The following SUSD1 variants were observed in gnomAD, a reference collection of about 807,000 sequenced individuals.
SUSD1 encodes sushi domain-containing protein 1.
Under a neutral mutation model 86.9 loss-of-function variants are expected in SUSD1, and 65 were observed. The observed-to-expected ratio is 0.75, with a 90% CI of 0.61 to 0.92. The LOEUF (loss-of-function observed/expected upper bound fraction) is 0.92. Among genes scored for constraint, SUSD1 ranks in the 40% least tolerant of loss-of-function variants. The probability of loss-of-function intolerance (pLI) is 0.00; values close to 1 mark genes in which losing one functional copy is unlikely to be tolerated. For missense variants in SUSD1, 850 were observed against 929.7 expected, an observed-to-expected ratio of 0.91 and a Z score of 1.11; for synonymous variants, 346 against 350.0, an observed-to-expected ratio of 0.99 and a Z score of 0.13.
intron 6 of SUSD1, among the ~76,000 whole-genome samples, chr9:112,118,346 G>A (rs1831412974): frequency 6.6e-6 from 1 of 152,178 alleles, no homozygotes; most frequent in Non-Finnish European, 1.5e-5. Flanking sequence ...ATGTATGTTT[G>A]GCTATAAAAG....
chr9:112,074,656 C>T (rs138865327), intron 12 of SUSD1, among the ~76,000 whole-genome samples: 6 of 152,270 alleles, frequency 3.9e-5, no homozygotes, highest in African/African-American at 1.4e-4. Flanking sequence ...AAATCCTTAG[C>T]CTAACACATC....
At chr9:112,101,926 G>T (rs1159745677) in intron 9 of SUSD1, among the ~76,000 whole-genome samples, 3 of 152,188 alleles carry the variant, frequency 2.0e-5, no homozygotes, top group African/African-American at 4.8e-5. Context: ...ATTGTTTAAT[G>T]CATTAAAATA....
At chr9:112,164,092 T>C (rs756829209) in intron 1 of SUSD1, among the ~76,000 whole-genome samples, 54 of 151,792 alleles carry the variant, frequency 3.6e-4, no homozygotes, top group African/African-American at 1.3e-3. Flanking sequence ...CTAATAAACA[T>C]AAAAAATATG....
intron 5 of SUSD1, among the ~76,000 whole-genome samples, chr9:112,124,684 A>G (rs1459111531): frequency 6.6e-6 from 1 of 152,238 alleles, no homozygotes; most frequent in Non-Finnish European, 1.5e-5. Context: ...ATGAAATAAT[A>G]TATCTTAGGG....
intron 5 of SUSD1, among the ~76,000 whole-genome samples, chr9:112,125,913 C>T (rs1367692349): frequency 2.0e-5 from 3 of 152,198 alleles, no homozygotes; most frequent in African/African-American, 7.2e-5. Flanking sequence ...TTTCCCAGAG[C>T]AGGATCTCAT....
At chr9:112,072,155 T>G (rs867596906) in intron 12 of SUSD1, among the ~76,000 whole-genome samples, 10,696 of 139,226 alleles carry the variant, frequency 0.077, 181 homozygotes, top group East Asian at 0.17. Flanking sequence ...TTTTTTTTTT[T>G]TGTTTTTTTT....
intron 12 of SUSD1, among the ~76,000 whole-genome samples, chr9:112,067,540 G>A (rs1829042566): frequency 6.6e-6 from 1 of 152,234 alleles, no homozygotes. Flanking sequence ...GAACTCTGGT[G>A]CTAGGCCAAG....
chr9:112,129,564 C>T (rs1164271732), intron 5 of SUSD1, among the ~76,000 whole-genome samples: 5 of 152,224 alleles, frequency 3.3e-5, no homozygotes, highest in Non-Finnish European at 7.3e-5. Flanking sequence ...CTGCCCACTT[C>T]GCCCTCCCAA....
At chr9:112,098,809 A>C in intron 9 of SUSD1, 147 bp from the exon 10 acceptor site, 1 of 745,654 alleles carries the variant, frequency 1.3e-6, no homozygotes. Flanking sequence ...ATAGCAAGCT[A>C]ACCTGAGGAA....
chr9:112,096,077 G>A (rs1415458175), intron 10 of SUSD1, among the ~76,000 whole-genome samples: 1 of 152,130 alleles, frequency 6.6e-6, no homozygotes, highest in Non-Finnish European at 1.5e-5. Flanking sequence ...AAATTGACAC[G>A]TGGTAGACTC....
intron 13 of SUSD1, among the ~76,000 whole-genome samples, chr9:112,058,922 T>TAG (rs1250430927): frequency 6.6e-6 from 1 of 152,188 alleles, no homozygotes; most frequent in African/African-American, 2.4e-5. Flanking sequence ...GCCTCCCAAG[T>TAG]AGCTGGGACT....
intron 5 of SUSD1, among the ~76,000 whole-genome samples, chr9:112,137,601 C>T (rs1589708213): frequency 6.6e-6 from 1 of 152,116 alleles, no homozygotes; most frequent in African/African-American, 2.4e-5. Context: ...AAATTCTTAA[C>T]CCCTGAGGAT....
intron 12 of SUSD1, among the ~76,000 whole-genome samples, chr9:112,063,945 G>A (rs1002072323): frequency 6.6e-6 from 1 of 151,464 alleles, no homozygotes; most frequent in Non-Finnish European, 1.5e-5. Flanking sequence ...AAAGTATTAG[G>A]AAAAGAGCTT....
intron 14 of SUSD1, among the ~76,000 whole-genome samples, chr9:112,057,419 T>C (rs1828499925): frequency 6.6e-6 from 1 of 152,230 alleles, no homozygotes. Flanking sequence ...GTGTTTTGTC[T>C]ATGGCTAAAA....
intron 11 of SUSD1, 106 bp from the exon 12 acceptor site, chr9:112,078,830 T>TTTTTTTTTTG (rs747300919): frequency 1.2e-6 from 1 of 863,586 alleles, no homozygotes; most frequent in Non-Finnish European, 1.7e-6. Context: ...TTTTTTTTTT[T>TTTTTTTTTTG]GAGATGGGGG....
rs1191452477 is a variant in SUSD1, at chr9:112,113,090, A to G, written c.887-222T>C. Reference sequence around the variant, plus strand: ...ATTACCTGACTTAGAGGGAAAGGAAAGATTCCAGCTTGGATATAGGTCAGA... The same window carrying G: ...ATTACCTGACTTAGAGGGAAAGGAAGGATTCCAGCTTGGATATAGGTCAGA... On this transcript the variant is annotated intron_variant, in intron 6 of 16. Coordinates refer to ENST00000374270, the MANE Select transcript of SUSD1 (RefSeq NM_022486.5). This position sits in a 1 kb window ranked among gnomAD's most constrained non-coding sequence, Gnocchi z 4.1. Among the ~76,000 whole-genome samples the G allele has an allele frequency of 1.3e-5, 2 of 152,328 alleles. No homozygotes were observed. Among genetic ancestry groups the G allele is most frequent in the Non-Finnish European group, 2.9e-5 (2 of 68,032 alleles).
At chr9:112,173,142 C>T (rs1227181570) in intron 1 of SUSD1, among the ~76,000 whole-genome samples, 1 of 152,138 alleles carries the variant, frequency 6.6e-6, no homozygotes, top group Admixed American at 6.5e-5. Context: ...ATCTGCAAGT[C>T]CTATGCGCAC....
intron 10 of SUSD1, among the ~76,000 whole-genome samples, chr9:112,097,773 C>A (rs1830459961): frequency 6.6e-6 from 1 of 152,122 alleles, no homozygotes; most frequent in Admixed American, 6.5e-5. Context: ...CACAGAGCGG[C>A]TTCAGGGAGG....
chr9:112,156,439 G>A (rs529753321), intron 2 of SUSD1, among the ~76,000 whole-genome samples: 1 of 151,508 alleles, frequency 6.6e-6, no homozygotes, highest in East Asian at 1.9e-4. Flanking sequence ...TCCAGCCTGG[G>A]CGACGAGTGA....
Sources: allele counts gnomAD v4.1 joint callset (sites outside exome capture counted in the v4.1 genomes callset), GRCh38; gene constraint gnomAD v4.1.1; non-coding constraint Gnocchi (gnomAD v3.1); transcripts MANE v1.5; gene names NCBI Gene and HGNC (gene_info 2026-07-23, HGNC 2026-07-21).